PDE12: variants seen among roughly 807,000 people sequenced by gnomAD.
PDE12 encodes phosphodiesterase 12.
PDE12 carries 26 observed loss-of-function variants against 45.4 expected under a neutral mutation model. That is an observed-to-expected ratio of 0.57 (90% CI 0.42 to 0.79). The LOEUF (loss-of-function observed/expected upper bound fraction) is 0.79, where lower values mean the gene tolerates loss of function less well. Among genes scored for constraint, PDE12 ranks in the 30% least tolerant of loss-of-function variants. PDE12 has a pLI of 0.00. For synonymous variants in PDE12, 283 were observed against 323.9 expected (o/e 0.87, Z 1.36); for missense variants, 668 against 790.0 (o/e 0.85, Z 1.85).
rs889851558 is a variant in PDE12, at chr3:57,564,593, A to G, written c.*4589A>G. 3.9e-5 allele frequency: 6 copies of G among 152,192 alleles called. No homozygotes were observed. The highest frequency in any genetic ancestry group is 7.4e-5 in the Non-Finnish European group (5 of 67,998). The allele number at this position is 152,192 out of a possible 1,614,324, so 9.4% of individuals were successfully genotyped here. ...TTCATACCATTTGTGTTCCTTATAT[A>G]TTGAAGATGGTTCAGTAGGGGAAAT... On this transcript the variant is annotated 3_prime_UTR_variant, in exon 3 of 3. Coordinates refer to ENST00000311180, the MANE Select transcript of PDE12 (RefSeq NM_177966.7).
the PDE12 span, among the ~76,000 whole-genome samples, chr3:57,625,201 G>A: frequency 1.3e-5 from 2 of 152,196 alleles, no homozygotes; most frequent in Admixed American, 6.5e-5. Flanking sequence ...CACCACATAC[G>A]ACCAATATTT....
chr3:57,614,135 T>C, the PDE12 span, among the ~76,000 whole-genome samples: 4 of 152,228 alleles, frequency 2.6e-5, no homozygotes, highest in African/African-American at 9.6e-5. Context: ...AAATCTGACA[T>C]GAACAATACT....
chr3:57,632,649 A>G, the PDE12 span, among the ~76,000 whole-genome samples: 1 of 152,218 alleles, frequency 6.6e-6, no homozygotes, highest in Non-Finnish European at 1.5e-5. Flanking sequence ...CTTTATATTA[A>G]TAACTGCAAA....
At chr3:57,612,454 A>G in the PDE12 span, among the ~76,000 whole-genome samples, 1 of 152,164 alleles carries the variant, frequency 6.6e-6, no homozygotes, top group African/African-American at 2.4e-5. Flanking sequence ...TATACTTAAT[A>G]ATCACTCAAA....
chr3:57,627,968 T>C, the PDE12 span: 3 of 397,216 alleles, frequency 7.6e-6, no homozygotes, highest in South Asian at 4.5e-5. Flanking sequence ...CTTTAGAACA[T>C]GATTAAAAAT....
chr3:57,618,172 C>T, the PDE12 span, among the ~76,000 whole-genome samples: 4 of 152,210 alleles, frequency 2.6e-5, no homozygotes, highest in South Asian at 8.3e-4. Context: ...TGAAAAAATA[C>T]TTATAAGGTA....
the PDE12 span, among the ~76,000 whole-genome samples, chr3:57,614,976 A>G: frequency 0.75 from 112,060 of 150,018 alleles, 43,988 homozygotes; most frequent in East Asian, 1. Context: ...CTGGGTAACA[A>G]AGTGGGACTG....
chr3:57,654,641 C>T, the PDE12 span: 1 of 985,120 alleles, frequency 1.0e-6, no homozygotes, highest in South Asian at 4.7e-5. Flanking sequence ...CCCTTCAATT[C>T]TAATCTCACC....
At chr3:57,607,099 G>A in the PDE12 span, among the ~76,000 whole-genome samples, 1 of 152,158 alleles carries the variant, frequency 6.6e-6, no homozygotes, top group Non-Finnish European at 1.5e-5. Flanking sequence ...AATATTCATG[G>A]TTCTGCAGCC....
the PDE12 span, among the ~76,000 whole-genome samples, chr3:57,591,471 CTTT>C: frequency 2.8e-5 from 4 of 142,114 alleles, no homozygotes; most frequent in African/African-American, 2.6e-5. Flanking sequence ...CTTTTCTTTT[CTTT>C]TTTTTTTTTT....
the PDE12 span, among the ~76,000 whole-genome samples, chr3:57,606,548 G>T: frequency 6.6e-6 from 1 of 152,096 alleles, no homozygotes; most frequent in East Asian, 1.9e-4. Context: ...CATGGGAAAA[G>T]ATTAAGTATA....
the PDE12 span, among the ~76,000 whole-genome samples, chr3:57,637,766 CAAA>C: frequency 9.1e-6 from 1 of 109,428 alleles, no homozygotes. Flanking sequence ...AATAAGACTT[CAAA>C]AAAAAAAAAA....
the PDE12 span, chr3:57,596,911 A>G: frequency 5.9e-6 from 4 of 676,434 alleles, no homozygotes; most frequent in Admixed American, 2.9e-5. Context: ...GGGATCGCTC[A>G]CCCTCCGCTC....
chr3:57,654,487 T>C, the PDE12 span: 1 of 370,028 alleles, frequency 2.7e-6, no homozygotes, highest in Non-Finnish European at 3.7e-6. Flanking sequence ...CAAGTCACAA[T>C]AGGGAACAGG....
the PDE12 span, among the ~76,000 whole-genome samples, chr3:57,614,640 T>G: frequency 6.8e-6 from 1 of 147,624 alleles, no homozygotes; most frequent in Non-Finnish European, 1.5e-5. Context: ...ACCTCCTGGG[T>G]TCACGCCATT....
the PDE12 span, chr3:57,626,842 A>G: frequency 6.6e-6 from 1 of 152,612 alleles, no homozygotes; most frequent in African/African-American, 2.4e-5. Flanking sequence ...AAAAACAACA[A>G]CAACAAAAGC....
chr3:57,577,103 G>C, the PDE12 span, among the ~76,000 whole-genome samples: 2 of 151,278 alleles, frequency 1.3e-5, no homozygotes, highest in African/African-American at 4.8e-5. Flanking sequence ...ACTTACTGAA[G>C]TAGCTACTCT....
At chr3:57,651,817 C>T in the PDE12 span, among the ~76,000 whole-genome samples, 2 of 152,008 alleles carry the variant, frequency 1.3e-5, no homozygotes, top group African/African-American at 4.8e-5. Context: ...TAAACTGGGA[C>T]AATTTGAATA....
At chr3:57,574,426 A>T in the PDE12 span, among the ~76,000 whole-genome samples, 4 of 78,278 alleles carry the variant, frequency 5.1e-5, no homozygotes, top group Non-Finnish European at 3.1e-5. Flanking sequence ...TTTTTTTTTT[A>T]AAGAAACAGT....
Sources: allele counts gnomAD v4.1 joint callset (sites outside exome capture counted in the v4.1 genomes callset), GRCh38; gene constraint gnomAD v4.1.1; transcripts MANE v1.5; gene names NCBI Gene and HGNC (gene_info 2026-07-23, HGNC 2026-07-21).